Variants in CEP128 observed in about 807,000 individuals in gnomAD.
CEP128 encodes the protein centrosomal protein 128kDa.
In CEP128, 132 loss-of-function variants were observed where a neutral mutation model predicts 156.7. The observed-to-expected ratio is 0.84, with a 90% CI of 0.73 to 0.97. CEP128 has a LOEUF of 0.97. CEP128 is among the 50% of genes least tolerant of loss of function. The pLI is 0.00. For missense variants in CEP128, 1,252 were observed against 1,281.9 expected (o/e 0.98, Z 0.36); for synonymous variants, 469 against 448.9 (o/e 1.04, Z -0.57).
intron 9 of CEP128, among the ~76,000 whole-genome samples, chr14:80,842,480 T>C (rs1174609701): frequency 6.6e-6 from 1 of 151,932 alleles, no homozygotes; most frequent in Non-Finnish European, 1.5e-5. Flanking sequence ...AGAAGGAAAA[T>C]CTGACACTTA....
chr14:80,497,659 G>A, intron 24 of CEP128, 77 bp from the exon 25 acceptor site: 1 of 845,636 alleles, frequency 1.2e-6, no homozygotes, highest in Admixed American at 2.3e-5. Context: ...TTTGCAGAAG[G>A]TAGTTAATGT....
At chr14:80,722,713 C>A (rs1409119211) in intron 19 of CEP128, among the ~76,000 whole-genome samples, 1 of 151,770 alleles carries the variant, frequency 6.6e-6, no homozygotes, top group Non-Finnish European at 1.5e-5. Context: ...ACCAATTTTG[C>A]CATTCTCATC....
At chr14:80,546,220 T>A (rs1594979514) in intron 21 of CEP128, among the ~76,000 whole-genome samples, 1 of 152,302 alleles carries the variant, frequency 6.6e-6, no homozygotes, top group East Asian at 1.9e-4. Context: ...GACTTTCCCA[T>A]CCATTGTCTC....
At position 80,497,329 on chromosome 14, in the gene CEP128, CA is replaced by C; in HGVS notation, c.*149del. On this transcript the variant is annotated 3_prime_UTR_variant, in exon 25 of 25. Transcript: ENST00000555265. ...TTGGTTTACCATTCACAAGGACCAA[CA>C]GTATTGTCACTTTTGTCAATGTTTG... 1.7e-6 allele frequency: 1 copy of C among 594,556 alleles called. No individual in the cohort carries two copies. Among genetic ancestry groups the C allele is most frequent in the Non-Finnish European group, 3.0e-6 (1 of 336,964 alleles). 36.8% of individuals were successfully genotyped at this position (594,556 alleles called of 1,614,324 possible). A position where few individuals can be genotyped will look rare whatever the true frequency, so the allele number is the denominator to read the frequency against.
chr14:80,829,469 G>A (rs888364201), intron 13 of CEP128, among the ~76,000 whole-genome samples: 9 of 152,150 alleles, frequency 5.9e-5, no homozygotes, highest in African/African-American at 2.2e-4. Context: ...GGAGTGCAGT[G>A]GCACAATCAC....
At chr14:80,756,445 T>C (rs1429078911) in intron 18 of CEP128, among the ~76,000 whole-genome samples, 1 of 152,178 alleles carries the variant, frequency 6.6e-6, no homozygotes, top group East Asian at 1.9e-4. Context: ...ATTCTCATCT[T>C]CATGTCATTG....
Position 80,904,805 on chromosome 14 carries a change from CA to C in CEP128, c.480+7del, listed in dbSNP as rs1883787338. On this transcript the variant is annotated splice_region_variant and intron_variant, in intron 6 of 24. Coordinates refer to ENST00000555265, the MANE Select transcript of CEP128 (RefSeq NM_152446.5). ...ACTGCACACAAATTACAGAATGGTACAAAGTACCTGAGTCATATCATCAGTC... is the reference window on the plus strand; with the variant it reads ...ACTGCACACAAATTACAGAATGGTACAAGTACCTGAGTCATATCATCAGTC... 2.5e-5 allele frequency: 35 copies of C among 1,420,450 alleles called. No individual in the cohort carries two copies. Among genetic ancestry groups the C allele is most frequent in the Non-Finnish European group, 3.5e-5 (35 of 1,003,564 alleles). The allele number at this position is 1,420,450 out of a possible 1,614,324, so 88.0% of individuals were successfully genotyped here.
chr14:80,506,954 C>A (rs573015389), intron 23 of CEP128, among the ~76,000 whole-genome samples: 1 of 152,134 alleles, frequency 6.6e-6, no homozygotes, highest in South Asian at 2.1e-4. Flanking sequence ...GTGGATCCCT[C>A]ATGGCTTGGT....
At chr14:80,572,463 T>A (rs977708565) in intron 20 of CEP128, among the ~76,000 whole-genome samples, 5 of 152,156 alleles carry the variant, frequency 3.3e-5, no homozygotes, top group Admixed American at 2.0e-4. Flanking sequence ...AGATAGACGA[T>A]AAAATGGATT....
intron 19 of CEP128, among the ~76,000 whole-genome samples, chr14:80,616,740 A>G (rs1450026207): frequency 1.3e-5 from 2 of 152,256 alleles, no homozygotes; most frequent in South Asian, 2.1e-4. Context: ...CAGGAAAAGT[A>G]GAAAATTTAG....
chr14:80,743,320 A>C, intron 18 of CEP128, 53 bp from the exon 19 acceptor site: 1 of 1,296,248 alleles, frequency 7.7e-7, no homozygotes, highest in Non-Finnish European at 1.1e-6. Flanking sequence ...AAAGAGCAGC[A>C]TTTCAAAACA....
intron 21 of CEP128, among the ~76,000 whole-genome samples, chr14:80,547,442 T>C (rs1890032310): frequency 6.6e-6 from 1 of 152,222 alleles, no homozygotes; most frequent in African/African-American, 2.4e-5. Flanking sequence ...GAATGCTGTG[T>C]TGCTAATCAG....
intron 16 of CEP128, among the ~76,000 whole-genome samples, chr14:80,771,007 T>C (rs574632019): frequency 2.0e-5 from 3 of 152,174 alleles, no homozygotes; most frequent in Non-Finnish European, 4.4e-5. Context: ...GAAAATCATA[T>C]ATATTTTTCC....
intron 19 of CEP128, among the ~76,000 whole-genome samples, chr14:80,739,677 G>A (rs1275305920): frequency 1.3e-5 from 2 of 151,514 alleles, no homozygotes; most frequent in African/African-American, 2.4e-5. Flanking sequence ...TTTTTTTCAC[G>A]TTACACTAGA....
At chr14:80,797,602 C>T (rs893169783) in intron 13 of CEP128, among the ~76,000 whole-genome samples, 40 of 152,228 alleles carry the variant, frequency 2.6e-4, no homozygotes, top group African/African-American at 9.4e-4. Context: ...TTTCTTTAAT[C>T]CATTTTCCTC....
chr14:80,791,446 C>T (rs1415333290), intron 14 of CEP128, among the ~76,000 whole-genome samples: 1 of 152,186 alleles, frequency 6.6e-6, no homozygotes, highest in Non-Finnish European at 1.5e-5. Context: ...ACTGGAATTA[C>T]TGTATGATAA....
At chr14:80,798,484 A>C (rs1265167947) in intron 13 of CEP128, among the ~76,000 whole-genome samples, 1 of 152,228 alleles carries the variant, frequency 6.6e-6, no homozygotes, top group Non-Finnish European at 1.5e-5. Flanking sequence ...CTATGAGGAA[A>C]GCTCATTGTG....
intron 23 of CEP128, among the ~76,000 whole-genome samples, chr14:80,522,125 A>G (rs1420743150): frequency 6.6e-6 from 1 of 152,220 alleles, no homozygotes; most frequent in African/African-American, 2.4e-5. Flanking sequence ...GTAATAATCC[A>G]TTAGTGATAT....
At chr14:80,836,425 C>A in intron 11 of CEP128, 88 bp from the exon 12 acceptor site, 1 of 1,421,998 alleles carries the variant, frequency 7.0e-7, no homozygotes, top group South Asian at 1.2e-5. Flanking sequence ...AAGTTGAATC[C>A]AGGTTAATCT....
Sources: gnomAD v4.1 joint callset for allele counts (sites outside exome capture counted in the v4.1 genomes callset) on GRCh38, gnomAD v4.1.1 for gene constraint, MANE v1.5 for transcripts, NCBI Gene and HGNC (gene_info 2026-07-23, HGNC 2026-07-21) for gene names.